Variants in ATM observed in about 807,000 individuals in gnomAD.
ATM encodes serine-protein kinase ATM.
ATM carries 308 observed loss-of-function variants against 387.0 expected under a neutral mutation model. The ratio of observed to expected loss-of-function variants is 0.80; its 90% CI spans 0.73 to 0.87. ATM has a LOEUF of 0.87. ATM is among the 40% of genes least tolerant of loss of function. ATM has a pLI of 0.00. For synonymous variants in ATM, 1,156 were observed against 1,187.3 expected (o/e 0.97, Z 0.54); for missense variants, 3,312 against 3,560.9 (o/e 0.93, Z 1.78).
At chr11:108,284,692 A>G (rs191779390) in intron 26 of ATM, among the ~76,000 whole-genome samples, 1 of 152,312 alleles carries the variant, frequency 6.6e-6, no homozygotes, top group Admixed American at 6.5e-5. Context: ...TAAATTAGAA[A>G]TAATCCAAAA....
rs1801673 is a variant in ATM at position 108,304,736 on chromosome 11, A to T, written c.5558A>T (p.Asp1853Val). ...PYLIHDILLQ[D>V]TNESWRNLLS... Reference sequence around the variant, plus strand: ...TTGATTCATGATATTTTACTCCAAGATACAAATGAATCATGGAGAAATCTG... The same window carrying T: ...TTGATTCATGATATTTTACTCCAAGTTACAAATGAATCATGGAGAAATCTG... Residue 1853 changes from aspartate (D) to valine (V), a missense_variant, in exon 37 of 63, where the codon GAT (aspartate) becomes GTT (valine). By Grantham distance (152) the Asp-to-Val change is radical (BLOSUM62 -3). This residue lies in a region of ATM where 1,405 missense variants were observed against 1,604.4 expected (regional missense o/e 0.88). Transcript: ENST00000675843. The T allele has an allele frequency of 4.8e-3, 7,818 of 1,614,054 alleles. 27 individuals carry two copies. Among genetic ancestry groups the T allele is most frequent in the South Asian group, 5.7e-3 (523 of 91,082 alleles).
intron 16 of ATM, among the ~76,000 whole-genome samples, chr11:108,261,387 T>C (rs868812531): frequency 9.2e-5 from 14 of 152,180 alleles, no homozygotes; most frequent in African/African-American, 2.4e-4. Context: ...ACACCTCACA[T>C]GGCAGGGTAC....
chr11:108,275,561 T>A (rs1271843466), intron 22 of ATM, among the ~76,000 whole-genome samples: 1 of 152,204 alleles, frequency 6.6e-6, no homozygotes, highest in Non-Finnish European at 1.5e-5. Flanking sequence ...GGCCTGGTGG[T>A]GACAAAATCT....
At chr11:108,283,670 G>A (rs959620710) in intron 25 of ATM, among the ~76,000 whole-genome samples, 1 of 152,110 alleles carries the variant, frequency 6.6e-6, no homozygotes, top group Non-Finnish European at 1.5e-5. Flanking sequence ...CTCTGTATAT[G>A]CGAGGGATTC....
intron 35 of ATM, among the ~76,000 whole-genome samples, chr11:108,302,071 C>T (rs942658809): frequency 6.6e-5 from 10 of 151,958 alleles, no homozygotes; most frequent in Non-Finnish European, 1.0e-4. Context: ...AAATAGAAAG[C>T]GCTACTTTGC....
intron 8 of ATM, among the ~76,000 whole-genome samples, chr11:108,248,185 AC>A (rs565342994): frequency 1.1e-4 from 17 of 152,236 alleles, no homozygotes; most frequent in Non-Finnish European, 2.1e-4. Context: ...CATTTTACTT[AC>A]CCATCCATCA....
At chr11:108,265,200 G>C (rs1236953270) in intron 16 of ATM, among the ~76,000 whole-genome samples, 2 of 151,822 alleles carry the variant, frequency 1.3e-5, no homozygotes, top group Non-Finnish European at 2.9e-5. Flanking sequence ...AAAGAACAAA[G>C]CTGGAGGCAT....
intron 16 of ATM, among the ~76,000 whole-genome samples, chr11:108,260,798 C>T (rs1159821076): frequency 5.3e-5 from 8 of 152,114 alleles, no homozygotes; most frequent in Admixed American, 2.6e-4. Flanking sequence ...GTGCGCGAGC[C>T]GAAGCAGGGC....
At chr11:108,282,367 A>G (rs1039043606) in intron 24 of ATM, among the ~76,000 whole-genome samples, 5 of 151,168 alleles carry the variant, frequency 3.3e-5, no homozygotes, top group Admixed American at 3.3e-4. Flanking sequence ...GGCTTAAGCA[A>G]CCCTCCCTCC....
chr11:108,339,717 C>CA (rs758149026), intron 56 of ATM, among the ~76,000 whole-genome samples: 1 of 152,006 alleles, frequency 6.6e-6, no homozygotes, highest in Admixed American at 6.6e-5. Flanking sequence ...AATCTCTCAA[C>CA]AAAAAATAAG....
intron 59 of ATM, among the ~76,000 whole-genome samples, chr11:108,350,716 T>A (rs2089084754): frequency 1.3e-5 from 2 of 152,138 alleles, no homozygotes; most frequent in Admixed American, 6.6e-5. Flanking sequence ...AAGGTGGGGA[T>A]CTCAACAGAG....
rs568084719 is a variant in ATM, at chr11:108,277,783, G to A, written c.3285-1708G>A. 4.9e-4 allele frequency among the ~76,000 whole-genome samples: 74 copies of A among 152,328 alleles called. 1 individual carries two copies. In the South Asian group the frequency reaches 0.011, roughly 23 times the overall value. On this transcript the variant is annotated intron_variant, in intron 22 of 62. Transcript: ENST00000675843. ...AAATGCAGAAATCACCACCTTCTGCGTTGATCTCACTGGGAGCTGCAGACC... is the reference window on the plus strand; with the variant it reads ...AAATGCAGAAATCACCACCTTCTGCATTGATCTCACTGGGAGCTGCAGACC...
chr11:108,368,417 G>A lies in ATM; in HGVS notation c.*2909G>A, dbSNP rs1209557222. ...ATTAATCATAGAATAGTTGTTGTAT[G>A]CTAAGTCACTGACCCATATTATGTA... On this transcript the variant is annotated 3_prime_UTR_variant, in exon 63 of 63. Coordinates refer to ENST00000675843, the MANE Select transcript of ATM (RefSeq NM_000051.4). 9.4e-6 allele frequency: 2 copies of A among 212,156 alleles called. No homozygotes were observed. The highest frequency in any genetic ancestry group is 1.2e-4 in the Admixed American group (2 of 17,050). 13.1% of individuals were successfully genotyped at this position (212,156 alleles called of 1,614,324 possible). A position where few individuals can be genotyped will look rare whatever the true frequency, so the allele number is the denominator to read the frequency against.
rs771998564 is a variant in ATM, at chr11:108,315,807, G to A, written c.6007-16G>A. 1.9e-6 allele frequency: 3 copies of A among 1,596,858 alleles called. No homozygotes were observed. The highest frequency in any genetic ancestry group is 3.3e-5 in the Admixed American group (2 of 59,876). On this transcript the variant is annotated splice_polypyrimidine_tract_variant and intron_variant, in intron 40 of 62. Coordinates refer to ENST00000675843, the MANE Select transcript of ATM (RefSeq NM_000051.4). ...TTTTTTTCCTTCTTCAATTTTTGTT[G>A]TTTCCATGTTTTCAGGATCTTCTCT... is the stretch of plus-strand genomic sequence containing the variant.
At chr11:108,267,452 T>C in intron 17 of ATM, 110 bp downstream of exon 17, 1 of 925,702 alleles carries the variant, frequency 1.1e-6, no homozygotes. Context: ...TCTCTTAGTA[T>C]AGCCTTTTAG....
Position 108,326,038 on chromosome 11 carries a change from A to G in ATM, c.6808-20A>G, listed in dbSNP as rs1240565463. Reference sequence around the variant, plus strand: ...ATCAGTAGTAAAAGTATTTATTCCCATATGTCATTTTCATTTCAGCTCCCT... The same window carrying G: ...ATCAGTAGTAAAAGTATTTATTCCCGTATGTCATTTTCATTTCAGCTCCCT... On this transcript the variant is annotated intron_variant, in intron 46 of 62. Coordinates refer to ENST00000675843, the MANE Select transcript of ATM (RefSeq NM_000051.4). 1.9e-6 allele frequency: 3 copies of G among 1,612,248 alleles called. No individual in the cohort carries two copies. The highest frequency in any genetic ancestry group is 1.7e-5 in the Admixed American group (1 of 59,982).
chr11:108,259,976 T>G (rs2080759942), intron 16 of ATM, among the ~76,000 whole-genome samples: 1 of 152,072 alleles, frequency 6.6e-6, no homozygotes, highest in Non-Finnish European at 1.5e-5. Context: ...GTGCATGGTA[T>G]TCTATTGTGT....
chr11:108,233,671 AC>A (rs1243275928), intron 4 of ATM, among the ~76,000 whole-genome samples: 1 of 151,762 alleles, frequency 6.6e-6, no homozygotes, highest in Non-Finnish European at 1.5e-5. Flanking sequence ...ACATAGGGAG[AC>A]CCCATCTTTA....
rs909239964 is a variant in ATM at position 108,366,546 on chromosome 11, G to C, written c.*1038G>C. The C allele has an allele frequency of 1.7e-5, 4 of 229,092 alleles. No homozygotes were observed. Among genetic ancestry groups the C allele is most frequent in the Non-Finnish European group, 2.6e-5 (3 of 115,584 alleles). The allele number at this position is 229,092 out of a possible 1,614,324, so 14.2% of individuals were successfully genotyped here. ...TCATCCAGTTTTGTCTTTTTGAAAA[G>C]TGAGTTTATTTTCAGCAAGGCTTTA... On this transcript the variant is annotated 3_prime_UTR_variant, in exon 63 of 63. Coordinates refer to ENST00000675843, the MANE Select transcript of ATM (RefSeq NM_000051.4).
Sources: allele counts gnomAD v4.1 joint callset (sites outside exome capture counted in the v4.1 genomes callset), GRCh38; gene constraint gnomAD v4.1.1; regional missense constraint gnomAD v4.1.1; transcripts MANE v1.5; gene names NCBI Gene and HGNC (gene_info 2026-07-23, HGNC 2026-07-21).